The following CSMD1 variants were observed in gnomAD, a reference collection of about 807,000 sequenced individuals.
CSMD1 encodes CUB and sushi domain-containing protein 1.
Under a neutral mutation model 417.5 loss-of-function variants are expected in CSMD1, and 213 were observed. That is an observed-to-expected ratio of 0.51 (90% CI 0.46 to 0.57). The LOEUF (loss-of-function observed/expected upper bound fraction) is 0.57, where lower values mean the gene tolerates loss of function less well. Among genes scored for constraint, CSMD1 ranks in the 20% least tolerant of loss-of-function variants. The pLI is 0.00. For synonymous variants in CSMD1, 2,862 were observed against 1,736.8 expected, an observed-to-expected ratio of 1.65 and a Z score of -16.11; for missense variants, 6,923 against 4,529.7, an observed-to-expected ratio of 1.53 and a Z score of -15.17.
At chr8:3,617,110 GATCAGAAAAACAGCATT>G (rs1449267778) in intron 7 of CSMD1, among the ~76,000 whole-genome samples, 1 of 152,122 alleles carries the variant, frequency 6.6e-6, no homozygotes. Context: ...TTAACAGCAT[GATCAGAAAAACAGCATT>G]ATGAGAAAAA....
intron 3 of CSMD1, among the ~76,000 whole-genome samples, chr8:4,199,461 G>A (rs1285196235): frequency 6.6e-6 from 1 of 152,162 alleles, no homozygotes; most frequent in African/African-American, 2.4e-5. Flanking sequence ...AGTTTCCTGA[G>A]AAACTCCAAT....
intron 49 of CSMD1, among the ~76,000 whole-genome samples, chr8:3,070,408 T>A (rs1201510782): frequency 2.6e-5 from 4 of 152,246 alleles, no homozygotes; most frequent in Non-Finnish European, 5.9e-5. Flanking sequence ...GTCATTTATT[T>A]GCTCCTGTAT....
chr8:4,233,747 A>T (rs898297571), intron 3 of CSMD1, among the ~76,000 whole-genome samples: 2 of 152,156 alleles, frequency 1.3e-5, no homozygotes, highest in Non-Finnish European at 2.9e-5. Context: ...AAGATGTAAG[A>T]TCTCTGTTGA....
intron 12 of CSMD1, among the ~76,000 whole-genome samples, chr8:3,449,830 T>C (rs955796422): frequency 6.6e-6 from 1 of 152,238 alleles, no homozygotes; most frequent in Non-Finnish European, 1.5e-5. Flanking sequence ...GAGCAACATT[T>C]ATATCCATAT....
At chr8:2,954,085 G>T in intron 65 of CSMD1, 139 bp downstream of exon 65, 1 of 447,036 alleles carries the variant, frequency 2.2e-6, no homozygotes. Flanking sequence ...TAAGCTTGGT[G>T]TTTTAAATAA....
intron 3 of CSMD1, among the ~76,000 whole-genome samples, chr8:4,047,105 G>A (rs1002217032): frequency 2.0e-5 from 3 of 152,186 alleles, no homozygotes; most frequent in East Asian, 3.9e-4. Flanking sequence ...CATTGAAGCT[G>A]TGGCTTCAAT....
chr8:4,938,107 T>A (rs56039675), intron 1 of CSMD1, among the ~76,000 whole-genome samples: 35,657 of 151,972 alleles, frequency 0.23, 4,317 homozygotes, highest in East Asian at 0.38. Flanking sequence ...AACAAAGAAT[T>A]TTAAGTTAAT....
chr8:4,645,643 C>A (rs1024138590), intron 1 of CSMD1, among the ~76,000 whole-genome samples: 3 of 151,614 alleles, frequency 2.0e-5, no homozygotes, highest in Non-Finnish European at 2.9e-5. Context: ...AAAGAGATGT[C>A]GAAGGTAGGA....
At chr8:4,819,926 T>C (rs928466188) in intron 1 of CSMD1, among the ~76,000 whole-genome samples, 1 of 152,212 alleles carries the variant, frequency 6.6e-6, no homozygotes, top group Non-Finnish European at 1.5e-5. Context: ...TATGTTATCA[T>C]AAGTAATTTT....
intron 5 of CSMD1, among the ~76,000 whole-genome samples, chr8:3,826,762 C>CA (rs1387583378): frequency 6.6e-6 from 1 of 151,960 alleles, no homozygotes; most frequent in Admixed American, 6.6e-5. Flanking sequence ...CACTTATAAG[C>CA]ATTGAACATA....
chr8:4,064,820 A>G (rs1025934963), intron 3 of CSMD1, among the ~76,000 whole-genome samples: 1 of 152,080 alleles, frequency 6.6e-6, no homozygotes, highest in Non-Finnish European at 1.5e-5. Context: ...TGTTATTTAT[A>G]TCTATATCAT....
At chr8:3,028,247 C>T (rs761204444) in intron 51 of CSMD1, among the ~76,000 whole-genome samples, 5 of 152,150 alleles carry the variant, frequency 3.3e-5, no homozygotes, top group Non-Finnish European at 5.9e-5. Context: ...CTGACTCCTT[C>T]TCCTAATCTC....
intron 3 of CSMD1, among the ~76,000 whole-genome samples, chr8:4,134,035 TTAAA>T (rs1483837492): frequency 6.6e-6 from 1 of 152,190 alleles, no homozygotes; most frequent in Admixed American, 6.5e-5. Context: ...TTTTAAACAT[TTAAA>T]TGAGATTAGC....
intron 12 of CSMD1, among the ~76,000 whole-genome samples, chr8:3,431,641 T>G (rs955774179): frequency 6.6e-6 from 1 of 152,150 alleles, no homozygotes; most frequent in Non-Finnish European, 1.5e-5. Flanking sequence ...TGACAAAACT[T>G]GTTTATTAAT....
In CSMD1 at chr8:4,031,987, G is replaced by T; in HGVS notation, c.528C>A (p.Ile176=). 1 of 1,613,968 alleles carries T rather than the reference G, an allele frequency of 6.2e-7. No homozygotes were observed. Among genetic ancestry groups the T allele is most frequent in the Non-Finnish European group, 8.5e-7 (1 of 1,179,878 alleles). The change falls in exon 4 of 70, where the codon ATC becomes ATA. Residue 176 remains isoleucine, a synonymous_variant. Transcript: ENST00000635120. The stretch of plus-strand genomic sequence containing the variant: ...AGGTCAGGATGGCGTGGCCTTCCAA[G>T]ATGTAGCCAGGGAGGCAGCTGTACC... ...KIRYSCLPGY[I]LEGHAILTCI...
intron 3 of CSMD1, among the ~76,000 whole-genome samples, chr8:4,205,707 AATAGAG>A (rs567396387): frequency 0.09 from 13,725 of 152,222 alleles, 875 homozygotes; most frequent in African/African-American, 0.18. Flanking sequence ...CCTACCAAAT[AATAGAG>A]GTTTATTTCA....
chr8:4,985,722 C>CA (rs1477401390), intron 1 of CSMD1, among the ~76,000 whole-genome samples: 2 of 152,152 alleles, frequency 1.3e-5, no homozygotes, highest in Non-Finnish European at 1.5e-5. Flanking sequence ...GCATTACATT[C>CA]AAAATCTGTA....
intron 6 of CSMD1, among the ~76,000 whole-genome samples, chr8:3,710,033 T>G (rs1434527210): frequency 6.6e-6 from 1 of 152,058 alleles, no homozygotes; most frequent in Non-Finnish European, 1.5e-5. Context: ...TAGCCCACTC[T>G]TGACCAGATG....
At chr8:3,994,248 TTTG>T (rs1430639282) in intron 5 of CSMD1, among the ~76,000 whole-genome samples, 1 of 103,042 alleles carries the variant, frequency 9.7e-6, no homozygotes, top group Non-Finnish European at 2.5e-5. Context: ...GCCTGTTTCT[TTTG>T]TTATATAAGT....
Sources: gnomAD v4.1 joint callset for allele counts (sites outside exome capture counted in the v4.1 genomes callset) on GRCh38, gnomAD v4.1.1 for gene constraint, MANE v1.5 for transcripts, NCBI Gene and HGNC (gene_info 2026-07-23, HGNC 2026-07-21) for gene names.